The following NEK1 variants were observed in gnomAD, a reference collection of about 807,000 sequenced individuals.
NEK1 encodes the protein serine/threonine-protein kinase Nek1.
Under a neutral mutation model 182.1 loss-of-function variants are expected in NEK1, and 137 were observed. That is an observed-to-expected ratio of 0.75 (90% CI 0.65 to 0.87). The LOEUF is 0.87. Ranked by LOEUF, NEK1 falls within the 40% of genes least tolerant of loss-of-function variation. The probability of loss-of-function intolerance (pLI) is 0.00; values close to 1 mark genes in which losing one functional copy is unlikely to be tolerated. For missense variants in NEK1, 1,391 were observed against 1,494.4 expected (o/e 0.93, Z 1.14); for synonymous variants, 513 against 492.2 (o/e 1.04, Z -0.56).
intron 5 of NEK1, among the ~76,000 whole-genome samples, chr4:169,594,299 T>A (rs753596546): frequency 2.6e-5 from 4 of 152,182 alleles, no homozygotes; most frequent in Admixed American, 6.5e-5. Flanking sequence ...GTATTAGAAT[T>A]TTCCCAAAGT....
At chr4:169,456,548 A>G (rs766096497) in intron 27 of NEK1, among the ~76,000 whole-genome samples, 16 of 152,204 alleles carry the variant, frequency 1.1e-4, no homozygotes, top group Non-Finnish European at 2.2e-4. Context: ...GATACTGCAG[A>G]AATTAAAAGG....
chr4:169,574,227 T>A (rs950090731), intron 12 of NEK1, among the ~76,000 whole-genome samples: 3 of 152,208 alleles, frequency 2.0e-5, no homozygotes, highest in Admixed American at 2.0e-4. Flanking sequence ...GTATCATCTT[T>A]TTTTATACTA....
intron 12 of NEK1, among the ~76,000 whole-genome samples, chr4:169,562,882 T>C (rs1763135870): frequency 6.6e-6 from 1 of 152,202 alleles, no homozygotes; most frequent in African/African-American, 2.4e-5. Flanking sequence ...TTTGGGGTTG[T>C]TAATGGACTC....
At position 169,438,140 on chromosome 4, in the gene NEK1, G is replaced by A; in HGVS notation, c.2707C>T (p.Pro903Ser). ...TGTGGAGATGCCTCACTGAACTCGG[G>A]ACTTTTTGTCTCAACAGGAGAATCA... ...IVDSPVETKS[P>S]EFSEASPQMS... The change falls in exon 28 of 36, where the codon CCC (proline) becomes TCC (serine). Residue 903 changes from proline to serine, a missense_variant. This residue lies in a region of NEK1 where 1,216 missense variants were observed against 1,277.6 expected (regional missense o/e 0.95). Coordinates refer to ENST00000507142, the MANE Select transcript of NEK1 (RefSeq NM_001199397.3). The A allele has an allele frequency of 6.2e-7, 1 of 1,611,662 alleles. No homozygotes were observed.
intron 26 of NEK1, among the ~76,000 whole-genome samples, chr4:169,472,092 G>A (rs1383507650): frequency 2.6e-5 from 4 of 151,974 alleles, no homozygotes; most frequent in Non-Finnish European, 5.9e-5. Flanking sequence ...CGGGTCCCTG[G>A]CTTCAGCTCC....
At chr4:169,513,823 T>C (rs936341613) in intron 19 of NEK1, among the ~76,000 whole-genome samples, 9 of 152,166 alleles carry the variant, frequency 5.9e-5, no homozygotes, top group African/African-American at 2.2e-4. Flanking sequence ...TCAATTGATG[T>C]AATCATATGA....
chr4:169,397,948 T>G (rs1730996990), intron 35 of NEK1, among the ~76,000 whole-genome samples: 1 of 152,188 alleles, frequency 6.6e-6, no homozygotes, highest in Admixed American at 6.5e-5. Context: ...GAGAACCGCC[T>G]GGAGGTGGAA....
At chr4:169,397,209 G>A (rs1223753178) in intron 35 of NEK1, among the ~76,000 whole-genome samples, 1 of 149,360 alleles carries the variant, frequency 6.7e-6, no homozygotes, top group Non-Finnish European at 1.5e-5. Flanking sequence ...GGGTGACAGA[G>A]CAAGGCCCTG....
intron 29 of NEK1, among the ~76,000 whole-genome samples, chr4:169,426,571 T>C (rs1736425579): frequency 6.6e-6 from 1 of 152,176 alleles, no homozygotes; most frequent in African/African-American, 2.4e-5. Context: ...ATCAGAAACT[T>C]TGGGGGATAA....
intron 27 of NEK1, among the ~76,000 whole-genome samples, chr4:169,451,080 A>C (rs2149465939): frequency 6.6e-6 from 1 of 152,328 alleles, no homozygotes. Context: ...CAACAAGAAG[A>C]GCTAACTATC....
rs35743529 is a variant in NEK1 at position 169,400,920 on chromosome 4, TA to T, written c.3584-270del. On this transcript the variant is annotated intron_variant, in intron 33 of 35. Coordinates refer to ENST00000507142, the MANE Select transcript of NEK1 (RefSeq NM_001199397.3). Reference sequence around the variant, plus strand: ...AACACTCCTAGAGATGTTACTTAAATAAAAAAAAAAAAGTGGAAAAAGCACA... The same window carrying T: ...AACACTCCTAGAGATGTTACTTAAATAAAAAAAAAAAGTGGAAAAAGCACA... 0.015 allele frequency among the ~76,000 whole-genome samples: 2,253 copies of T among 146,438 alleles called. 53 individuals are homozygous for T. Among genetic ancestry groups the T allele is most frequent in the African/African-American group, 0.053 (2,110 of 40,050 alleles).
chr4:169,541,593 A>T (rs1370954476), intron 18 of NEK1, among the ~76,000 whole-genome samples: 1 of 152,178 alleles, frequency 6.6e-6, no homozygotes, highest in Non-Finnish European at 1.5e-5. Flanking sequence ...ATTCAGTTTG[A>T]ATCATGGAAA....
At chr4:169,560,834 A>G (rs1459680004) in intron 16 of NEK1, among the ~76,000 whole-genome samples, 1 of 151,940 alleles carries the variant, frequency 6.6e-6, no homozygotes, top group Non-Finnish European at 1.5e-5. Flanking sequence ...AAGTTCAGTA[A>G]TGTGCCCAAG....
At chr4:169,505,169 C>T (rs1753039170) in intron 23 of NEK1, among the ~76,000 whole-genome samples, 1 of 151,672 alleles carries the variant, frequency 6.6e-6, no homozygotes, top group Non-Finnish European at 1.5e-5. Flanking sequence ...TTATTTTATC[C>T]TTTCTATATA....
chr4:169,450,532 C>G (rs1282885386), intron 27 of NEK1, among the ~76,000 whole-genome samples: 1 of 152,228 alleles, frequency 6.6e-6, no homozygotes, highest in African/African-American at 2.4e-5. Flanking sequence ...ATTCAACATT[C>G]TTCAAGGAAA....
chr4:169,545,160 G>A (rs1482609762), intron 18 of NEK1, among the ~76,000 whole-genome samples: 1 of 146,940 alleles, frequency 6.8e-6, no homozygotes. Flanking sequence ...CCACTAACTC[G>A]TCATCTAGCC....
intron 33 of NEK1, among the ~76,000 whole-genome samples, chr4:169,401,093 T>C (rs1731599041): frequency 6.6e-6 from 1 of 152,154 alleles, no homozygotes; most frequent in South Asian, 2.1e-4. Flanking sequence ...CTAGAAAGTA[T>C]AAATGGCCAA....
At chr4:169,483,679 T>C (rs1748511160) in intron 23 of NEK1, among the ~76,000 whole-genome samples, 1 of 151,792 alleles carries the variant, frequency 6.6e-6, no homozygotes, top group East Asian at 1.9e-4. Context: ...AGTCTGGCCA[T>C]CATGGTGAAA....
chr4:169,602,224 G>C, intron 3 of NEK1, 120 bp from the exon 4 acceptor site: 2 of 709,804 alleles, frequency 2.8e-6, no homozygotes, highest in Non-Finnish European at 4.8e-6. Flanking sequence ...ACAAAATATA[G>C]CAAGAAGTTA....
Sources: gnomAD v4.1 joint callset for allele counts (sites outside exome capture counted in the v4.1 genomes callset) on GRCh38, gnomAD v4.1.1 for gene constraint, gnomAD v4.1.1 regional missense constraint, MANE v1.5 for transcripts, NCBI Gene and HGNC (gene_info 2026-07-23, HGNC 2026-07-21) for gene names.